Variants in ADGRL4 observed in about 807,000 individuals in gnomAD.
The protein encoded by ADGRL4 is EGF, latrophilin and seven transmembrane domain containing 1.
ADGRL4 carries 90 observed loss-of-function variants against 74.8 expected under a neutral mutation model. The ratio of observed to expected loss-of-function variants is 1.20; its 90% CI spans 1.02 to 1.43. ADGRL4 has a LOEUF of 1.43. Ranked by LOEUF, ADGRL4 falls within the 40% of genes most tolerant of loss-of-function variation. ADGRL4 has a pLI of 0.00. For synonymous variants in ADGRL4, 311 were observed against 279.2 expected (o/e 1.11, Z -1.14); for missense variants, 881 against 814.3 (o/e 1.08, Z -1.00).
At chr1:78,967,311 G>T (rs1650077507) in intron 2 of ADGRL4, among the ~76,000 whole-genome samples, 1 of 152,160 alleles carries the variant, frequency 6.6e-6, no homozygotes, top group African/African-American at 2.4e-5. Context: ...CAATTAGTAA[G>T]ACATGGGGTA....
Position 78,922,494 on chromosome 1 carries a change from T to C in ADGRL4, c.1084-708A>G, listed in dbSNP as rs569032619. 4.2e-4 allele frequency among the ~76,000 whole-genome samples: 64 copies of C among 152,158 alleles called. 1 individual carries two copies. The South Asian group carries it at 0.012, about 30-fold the overall frequency. Reference sequence around the variant, plus strand: ...CATGGGACAGATGACACACAGACTGTGTGATAGTTATTCAATAAACAGTGG... The same window carrying C: ...CATGGGACAGATGACACACAGACTGCGTGATAGTTATTCAATAAACAGTGG... On this transcript the variant is annotated intron_variant, in intron 8 of 14. Coordinates refer to ENST00000370742, the MANE Select transcript of ADGRL4 (RefSeq NM_022159.4).
intron 2 of ADGRL4, among the ~76,000 whole-genome samples, chr1:78,947,610 G>A (rs191689456): frequency 4.6e-4 from 70 of 152,168 alleles, no homozygotes; most frequent in African/African-American, 1.6e-3. Flanking sequence ...TTTTATGGCA[G>A]CCCTAGAAAA....
chr1:78,905,611 A>T (rs1235527426), intron 12 of ADGRL4, among the ~76,000 whole-genome samples: 1 of 152,006 alleles, frequency 6.6e-6, no homozygotes, highest in Non-Finnish European at 1.5e-5. Flanking sequence ...TATTTACAAA[A>T]ACAAGCCATG....
At position 78,945,419 on chromosome 1, in the gene ADGRL4, G is replaced by A. The variant is rs866083367; in HGVS notation, c.325+855C>T. ...TAGATTACCAATCATAATTATAATA[G>A]TTATTGATAAGTTGAATATTTTTTA... On this transcript the variant is annotated intron_variant, in intron 3 of 14. Coordinates refer to ENST00000370742, the MANE Select transcript of ADGRL4 (RefSeq NM_022159.4). Among the ~76,000 whole-genome samples the A allele has an allele frequency of 8.4e-4, 128 of 151,830 alleles. 1 individual carries two copies. Among genetic ancestry groups the A allele is most frequent in the African/African-American group, 2.8e-3 (118 of 41,440 alleles).
chr1:78,910,008 A>T (rs1397932454), intron 12 of ADGRL4, among the ~76,000 whole-genome samples: 1 of 151,922 alleles, frequency 6.6e-6, no homozygotes, highest in Non-Finnish European at 1.5e-5. Flanking sequence ...TATATTACAG[A>T]TAATAGACAA....
At chr1:78,961,601 A>G (rs1036127356) in intron 2 of ADGRL4, among the ~76,000 whole-genome samples, 1 of 152,258 alleles carries the variant, frequency 6.6e-6, no homozygotes, top group Admixed American at 6.5e-5. Flanking sequence ...CTAAGATGCC[A>G]TTTGATAATG....
intron 2 of ADGRL4, among the ~76,000 whole-genome samples, chr1:78,951,191 G>A (rs1649715150): frequency 6.6e-6 from 1 of 152,114 alleles, no homozygotes; most frequent in African/African-American, 2.4e-5. Context: ...CAGAGCATGG[G>A]TATGGGGCAT....
At chr1:78,982,790 C>A (rs183630200) in intron 2 of ADGRL4, among the ~76,000 whole-genome samples, 13 of 151,708 alleles carry the variant, frequency 8.6e-5, no homozygotes, top group Admixed American at 7.9e-4. Context: ...TAAAACAAAA[C>A]CTCAGAAATG....
intron 2 of ADGRL4, among the ~76,000 whole-genome samples, chr1:78,986,195 TAAC>T (rs199704825): frequency 0.011 from 1,735 of 151,798 alleles, 18 homozygotes; most frequent in Middle Eastern, 0.02. Flanking sequence ...ACAATAATAA[TAAC>T]AATCACATAA....
rs1158983634 is a variant in ADGRL4, at chr1:78,962,833, A to G, written c.173-16407T>C. Among the ~76,000 whole-genome samples the G allele has an allele frequency of 5.9e-5, 9 of 152,312 alleles. 1 individual carries two copies. The South Asian group carries it at 1.9e-3, about 32-fold the overall frequency. On this transcript the variant is annotated intron_variant, in intron 2 of 14. Transcript: ENST00000370742. ...AAATGCACTAATAGGATATAGTTAAATTCTATGGCTACACAAAACTAAGCA... is the reference window on the plus strand; with the variant it reads ...AAATGCACTAATAGGATATAGTTAAGTTCTATGGCTACACAAAACTAAGCA...
At chr1:78,974,227 T>A (rs1650234254) in intron 2 of ADGRL4, among the ~76,000 whole-genome samples, 1 of 152,160 alleles carries the variant, frequency 6.6e-6, no homozygotes. Context: ...AATAATTGCC[T>A]ACAAAGATGG....
chr1:78,937,938 C>T lies in ADGRL4; in HGVS notation c.629G>A (p.Trp210Ter). 1 of 1,613,768 alleles carries T rather than the reference C, an allele frequency of 6.2e-7. No homozygotes were observed. The highest frequency in any genetic ancestry group is 8.5e-7 in the Non-Finnish European group (1 of 1,179,886). The change falls in exon 6 of 15, where the codon TGG becomes TAG. Residue 210 changes from tryptophan (W) to a stop codon, truncating the protein, a stop_gained. Transcript: ENST00000370742. LOFTEE classifies it high-confidence loss of function. ...NFVQRDTFVV[W>*]DKLSVNHRRT... ...CCTATGATTCACAGATAACTTGTCC[C>T]AAACTACAAATGTATCCCTTTGAAC...
intron 2 of ADGRL4, among the ~76,000 whole-genome samples, chr1:78,987,495 G>C (rs1250383152): frequency 6.6e-6 from 1 of 151,682 alleles, no homozygotes; most frequent in Admixed American, 6.6e-5. Flanking sequence ...ATTAAAATAA[G>C]ATTGATTCCC....
At chr1:79,001,885 CT>C (rs948452197) in intron 2 of ADGRL4, among the ~76,000 whole-genome samples, 60 of 152,134 alleles carry the variant, frequency 3.9e-4, no homozygotes, top group African/African-American at 1.4e-3. Flanking sequence ...AGCTTGGTCT[CT>C]TCTTCAAAAT....
intron 6 of ADGRL4, 88 bp from the exon 7 acceptor site, chr1:78,936,499 A>G: frequency 8.6e-7 from 1 of 1,164,024 alleles, no homozygotes; most frequent in Non-Finnish European, 1.2e-6. Flanking sequence ...AATTTCATCC[A>G]TCATTATTGT....
intron 2 of ADGRL4, among the ~76,000 whole-genome samples, chr1:78,954,739 A>G (rs1287416487): frequency 6.6e-6 from 1 of 152,172 alleles, no homozygotes. Context: ...TTATTAAAAA[A>G]TTGTAGTTAG....
chr1:79,001,337 A>G (rs564395354), intron 2 of ADGRL4, among the ~76,000 whole-genome samples: 1 of 152,254 alleles, frequency 6.6e-6, no homozygotes, highest in South Asian at 2.1e-4. Context: ...AAATAAAAGG[A>G]CAAGAAAAGT....
chr1:78,946,464 A>C, intron 2 of ADGRL4, 38 bp from the exon 3 acceptor site: 1 of 1,508,874 alleles, frequency 6.6e-7, no homozygotes, highest in Non-Finnish European at 9.0e-7. Flanking sequence ...TTTTTATATA[A>C]TTGACATAAA....
intron 2 of ADGRL4, among the ~76,000 whole-genome samples, chr1:78,983,469 A>C (rs1650435872): frequency 6.6e-6 from 1 of 150,704 alleles, no homozygotes; most frequent in Non-Finnish European, 1.5e-5. Flanking sequence ...AAAAAAAAGC[A>C]ATTAATGTAG....
Sources: gnomAD v4.1 joint callset for allele counts (sites outside exome capture counted in the v4.1 genomes callset) on GRCh38, gnomAD v4.1.1 for gene constraint, MANE v1.5 for transcripts, NCBI Gene and HGNC (gene_info 2026-07-23, HGNC 2026-07-21) for gene names.